MORC1: variants seen among roughly 807,000 people sequenced by gnomAD.
MORC1 encodes MORC family CW-type zinc finger 1.
In MORC1, 59 loss-of-function variants were observed where a neutral mutation model predicts 134.9. The observed-to-expected ratio is 0.44, with a 90% confidence interval of 0.35 to 0.54. The LOEUF is 0.54. Among genes scored for constraint, MORC1 ranks in the 20% least tolerant of loss-of-function variants. The probability of loss-of-function intolerance (pLI) is 0.00; values close to 1 mark genes in which losing one functional copy is unlikely to be tolerated. For synonymous variants in MORC1, 395 were observed against 391.7 expected, an observed-to-expected ratio of 1.01 and a Z score of -0.10; for missense variants, 947 against 1,134.5, an observed-to-expected ratio of 0.83 and a Z score of 2.37.
intron 2 of MORC1, among the ~76,000 whole-genome samples, chr3:109,113,764 T>G (rs2107808901): frequency 6.9e-6 from 1 of 145,958 alleles, no homozygotes; most frequent in Admixed American, 6.8e-5. Context: ...CATTAATACA[T>G]TTATTAGAGA....
intron 17 of MORC1, among the ~76,000 whole-genome samples, chr3:109,010,438 T>C (rs1489043482): frequency 2.0e-5 from 3 of 152,246 alleles, no homozygotes; most frequent in African/African-American, 7.2e-5. Context: ...ATTTTTTTCA[T>C]TGGGTTTTTA....
intron 21 of MORC1, among the ~76,000 whole-genome samples, chr3:108,998,066 T>C (rs1948286414): frequency 6.6e-6 from 1 of 152,190 alleles, no homozygotes; most frequent in African/African-American, 2.4e-5. Flanking sequence ...ACATCATCTC[T>C]GTCATGTCTC....
At chr3:109,117,331 CAAAAAAAAAA>C (rs202128565) in intron 1 of MORC1, among the ~76,000 whole-genome samples, 40 of 113,630 alleles carry the variant, frequency 3.5e-4, no homozygotes, top group South Asian at 1.2e-3. Context: ...CAAAAGATGT[CAAAAAAAAAA>C]AAAAAAAAAA....
intron 14 of MORC1, among the ~76,000 whole-genome samples, chr3:109,040,557 C>T (rs1949514455): frequency 6.6e-6 from 1 of 151,840 alleles, no homozygotes. Context: ...AGGCCAGGCA[C>T]AGTGGCTCAT....
intron 6 of MORC1, among the ~76,000 whole-genome samples, chr3:109,098,541 C>T (rs1950868821): frequency 6.6e-6 from 1 of 152,120 alleles, no homozygotes; most frequent in Admixed American, 6.6e-5. Flanking sequence ...CTTGCTGAGG[C>T]CATTAATCTC....
intron 3 of MORC1, chr3:109,109,980 C>G (rs1359742673): frequency 1.3e-5 from 2 of 152,188 alleles, no homozygotes; most frequent in Admixed American, 6.5e-5. Context: ...TTTTCAGGAC[C>G]TGGAGAGGAG....
chr3:108,976,687 A>G (rs147136474), intron 24 of MORC1, among the ~76,000 whole-genome samples: 158 of 152,344 alleles, frequency 1.0e-3, no homozygotes, highest in African/African-American at 3.7e-3. Context: ...TTAATAAAAT[A>G]ATCACCATAC....
chr3:109,062,208 A>T (rs1420540628), intron 10 of MORC1, 150 bp from the exon 11 acceptor site: 2 of 673,918 alleles, frequency 3.0e-6, no homozygotes, highest in Admixed American at 5.3e-5. Context: ...ACTTTTACAC[A>T]TGTTAAATTT....
At chr3:109,057,029 C>T (rs977390689) in intron 13 of MORC1, among the ~76,000 whole-genome samples, 3 of 151,970 alleles carry the variant, frequency 2.0e-5, no homozygotes, top group East Asian at 1.9e-4. Context: ...TTAATAAGCT[C>T]GTATTATTTT....
At chr3:108,998,574 A>T (rs914192741) in intron 21 of MORC1, among the ~76,000 whole-genome samples, 1 of 152,154 alleles carries the variant, frequency 6.6e-6, no homozygotes, top group Non-Finnish European at 1.5e-5. Flanking sequence ...ATACACTCAC[A>T]CGTGCACACA....
chr3:109,047,791 C>A (rs945488288), intron 14 of MORC1, among the ~76,000 whole-genome samples: 9 of 151,990 alleles, frequency 5.9e-5, no homozygotes, highest in African/African-American at 2.2e-4. Context: ...AGTAAAAATA[C>A]CAACAAGGGT....
In MORC1 at chr3:109,005,191, T is replaced by C. The variant is rs1269418163; in HGVS notation, c.1892A>G (p.Asp631Gly). The change falls in exon 19 of 28, where the codon GAT becomes GGT. Residue 631 changes from aspartate (D) to glycine (G), a missense_variant. Asp to Gly is a moderately conservative substitution (Grantham distance 94, BLOSUM62 -1). Around this residue, in one of 3 missense-constraint regions of MORC1, gnomAD observed 722 missense variants for 817.0 expected, o/e 0.88. Transcript: ENST00000232603. Reference sequence around the variant, plus strand: ...TTTTGTTTCTGAAATATACTCTACATCAGAGTCTGTCTCTTCTATGTTTCT... The same window carrying C: ...TTTTGTTTCTGAAATATACTCTACACCAGAGTCTGTCTCTTCTATGTTTCT... The part of the protein sequence containing the change: ...QKRNIEETDS[D>G]VEYISETKIM... 1 of 1,614,042 alleles carries C rather than the reference T, an allele frequency of 6.2e-7. No homozygotes were observed. The highest frequency in any genetic ancestry group is 8.5e-7 in the Non-Finnish European group (1 of 1,179,966).
intron 3 of MORC1, among the ~76,000 whole-genome samples, chr3:109,104,392 T>G (rs1379631814): frequency 6.6e-6 from 1 of 152,232 alleles, no homozygotes; most frequent in Non-Finnish European, 1.5e-5. Flanking sequence ...AAGAGCCATT[T>G]GTGAGTGCAT....
intron 22 of MORC1, 92 bp from the exon 23 acceptor site, chr3:108,984,874 T>C (rs1947855112): frequency 1.1e-6 from 1 of 871,030 alleles, no homozygotes. Flanking sequence ...ACTACCTCTG[T>C]ATAATATGGA....
At chr3:108,971,013 T>C (rs867010110) in intron 25 of MORC1, among the ~76,000 whole-genome samples, 15 of 152,172 alleles carry the variant, frequency 9.9e-5, no homozygotes, top group African/African-American at 2.7e-4. Flanking sequence ...CAGCTGCTCA[T>C]AAGAAGCAGC....
At chr3:109,113,181 T>A (rs896425650) in intron 2 of MORC1, among the ~76,000 whole-genome samples, 4 of 152,192 alleles carry the variant, frequency 2.6e-5, no homozygotes, top group Non-Finnish European at 5.9e-5. Context: ...GCAGCAACAG[T>A]AGCAACCCTA....
intron 17 of MORC1, among the ~76,000 whole-genome samples, chr3:109,015,702 A>T (rs1281312011): frequency 6.6e-6 from 1 of 152,216 alleles, no homozygotes; most frequent in African/African-American, 2.4e-5. Context: ...CTCTGAATTT[A>T]CTATACCCCT....
chr3:109,055,265 G>A (rs138690255), intron 13 of MORC1, among the ~76,000 whole-genome samples: 1,553 of 152,256 alleles, frequency 0.01, 12 homozygotes, highest in Non-Finnish European at 0.014. Flanking sequence ...TTCTTTCTCC[G>A]CATTTCATCT....
At chr3:109,049,220 A>C (rs1949763493) in intron 14 of MORC1, 1 of 885,116 alleles carries the variant, frequency 1.1e-6, no homozygotes, top group South Asian at 5.2e-5. Flanking sequence ...TGGAAAACAA[A>C]ATTCTGTTGT....
Sources: gnomAD v4.1 joint callset for allele counts (sites outside exome capture counted in the v4.1 genomes callset) on GRCh38, gnomAD v4.1.1 for gene constraint, gnomAD v4.1.1 regional missense constraint, MANE v1.5 for transcripts, NCBI Gene and HGNC (gene_info 2026-07-23, HGNC 2026-07-21) for gene names.